The following GTPBP10 variants were observed in gnomAD, a reference collection of about 807,000 sequenced individuals.
The protein encoded by GTPBP10 is GTP binding protein 10.
Under a neutral mutation model 44.8 loss-of-function variants are expected in GTPBP10, and 38 were observed. The ratio of observed to expected loss-of-function variants is 0.85; its 90% CI spans 0.65 to 1.11. The LOEUF (loss-of-function observed/expected upper bound fraction) is 1.11, where lower values mean the gene tolerates loss of function less well. Among genes scored for constraint, GTPBP10 ranks in the 50% most tolerant of loss-of-function variants. The probability of loss-of-function intolerance (pLI) is 0.00; values close to 1 mark genes in which losing one functional copy is unlikely to be tolerated. For synonymous variants in GTPBP10, 152 were observed against 150.6 expected (o/e 1.01, Z -0.07); for missense variants, 462 against 453.7 (o/e 1.02, Z -0.17).
intron 6 of GTPBP10, among the ~76,000 whole-genome samples, chr7:90,374,840 A>G (rs1376927668): frequency 6.6e-6 from 1 of 152,204 alleles, no homozygotes; most frequent in East Asian, 1.9e-4. Context: ...AAGTAACAAT[A>G]TTTAAAATAT....
In GTPBP10 at chr7:90,377,571, A is replaced by G. The variant is rs766484222; in HGVS notation, c.656A>G (p.Lys219Arg). ...CATATGAACAAAGGAATGGGCCACA[A>G]ATTCCTCAAGCATATAGAAAGAACT... Reference protein sequence around the residue: ...GAHMNKGMGHKFLKHIERTRQ... With the variant: ...GAHMNKGMGHRFLKHIERTRQ... Residue 219 changes from lysine (K) to arginine (R), a missense_variant, in exon 7 of 10, where the codon AAA becomes AGA. Lys to Arg is a conservative substitution (Grantham distance 26). Coordinates refer to ENST00000222511, the MANE Select transcript of GTPBP10 (RefSeq NM_033107.4). 1 of 1,611,722 alleles carries G rather than the reference A, an allele frequency of 6.2e-7. No homozygotes were observed. The highest frequency in any genetic ancestry group is 8.5e-7 in the Non-Finnish European group (1 of 1,178,650).
intron 4 of GTPBP10, among the ~76,000 whole-genome samples, chr7:90,364,408 C>T (rs1158794886): frequency 6.6e-6 from 1 of 152,178 alleles, no homozygotes; most frequent in East Asian, 1.9e-4. Context: ...CCACTCCAGA[C>T]CGTTTGCCTG....
At chr7:90,354,029 G>A (rs565947624) in intron 2 of GTPBP10, among the ~76,000 whole-genome samples, 5 of 151,810 alleles carry the variant, frequency 3.3e-5, no homozygotes, top group African/African-American at 4.8e-5. Flanking sequence ...AAATGGGGTC[G>A]TGCTATGGTG....
chr7:90,372,184 T>A lies in GTPBP10; in HGVS notation c.494T>A (p.Leu165Gln), dbSNP rs751780508. Reference sequence around the variant, plus strand: ...CCAAATGCTGGAAAATCCTCTTTGCTAAGTTGTGTTTCTCATGCAAAACCT... The same window carrying A: ...CCAAATGCTGGAAAATCCTCTTTGCAAAGTTGTGTTTCTCATGCAAAACCT... ...GFPNAGKSSL[L>Q]SCVSHAKPAI... The change falls in exon 5 of 10, where the codon CTA becomes CAA. Residue 165 changes from leucine to glutamine, a missense_variant. Coordinates refer to ENST00000222511, the MANE Select transcript of GTPBP10 (RefSeq NM_033107.4). 4 of 1,607,560 alleles carry A rather than the reference T, an allele frequency of 2.5e-6. No individual in the cohort carries two copies. The highest frequency in any genetic ancestry group is 2.5e-6 in the Non-Finnish European group (3 of 1,176,524).
At chr7:90,352,383 A>G (rs1795806863) in intron 1 of GTPBP10, among the ~76,000 whole-genome samples, 1 of 152,218 alleles carries the variant, frequency 6.6e-6, no homozygotes, top group Non-Finnish European at 1.5e-5. Flanking sequence ...CATATTGGGG[A>G]ATTTCAAATA....
chr7:90,348,935 G>T (rs1795736325), intron 1 of GTPBP10, among the ~76,000 whole-genome samples: 1 of 152,124 alleles, frequency 6.6e-6, no homozygotes, highest in Non-Finnish European at 1.5e-5. Flanking sequence ...TCTGGCACTG[G>T]ATCTGAAGCA....
At chr7:90,372,421 C>A (rs1479705594) in intron 5 of GTPBP10, among the ~76,000 whole-genome samples, 193 bp downstream of exon 5, 1 of 140,902 alleles carries the variant, frequency 7.1e-6, no homozygotes, top group Non-Finnish European at 1.5e-5. Context: ...CTCAAGCCAT[C>A]CCCCTGCATC....
intron 5 of GTPBP10, among the ~76,000 whole-genome samples, chr7:90,373,751 T>C (rs1463144729): frequency 1.3e-5 from 2 of 152,228 alleles, no homozygotes; most frequent in East Asian, 3.8e-4. Flanking sequence ...ATCACTCACC[T>C]TAAAGTGCAA....
Position 90,364,178 on chromosome 7 carries a change from G to A in GTPBP10, c.465-7977G>A, listed in dbSNP as rs192699899. 2.1e-3 allele frequency among the ~76,000 whole-genome samples: 317 copies of A among 152,312 alleles called. 1 individual carries two copies. Among genetic ancestry groups the A allele is most frequent in the African/African-American group, 7.3e-3 (304 of 41,554 alleles). Reference sequence around the variant, plus strand: ...TCCAGCTTTGTTCCATTGCTGGGGAGGAGCTGCATTCCTTTGGAGGGGGAG... The same window carrying A: ...TCCAGCTTTGTTCCATTGCTGGGGAAGAGCTGCATTCCTTTGGAGGGGGAG... On this transcript the variant is annotated intron_variant, in intron 4 of 9. Transcript: ENST00000222511.
In GTPBP10 at chr7:90,346,907, C is replaced by T. The variant is rs373253766; in HGVS notation, c.33+133C>T. 222 of 949,166 alleles carry T rather than the reference C, an allele frequency of 2.3e-4. No homozygotes were observed. The African/African-American group carries it at 3.2e-3, about 14-fold the overall frequency. The allele number at this position is 949,166 out of a possible 1,614,324, so 58.8% of individuals were successfully genotyped here. A position where few individuals can be genotyped will look rare whatever the true frequency, so the allele number is the denominator to read the frequency against. ...GGTTTTCCCATAGACTTCTCCGCCC[C>T]TCCTGTAGTGGCGCTTTGTCAGTAA... On this transcript the variant is annotated intron_variant, in intron 1 of 9. Coordinates refer to ENST00000222511, the MANE Select transcript of GTPBP10 (RefSeq NM_033107.4).
At position 90,391,161 on chromosome 7, in the gene GTPBP10, T is replaced by A. The variant is rs1301896918; in HGVS notation, c.*6007T>A. 1 of 152,202 alleles carries A rather than the reference T, an allele frequency of 6.6e-6. No individual in the cohort carries two copies. Among genetic ancestry groups the A allele is most frequent in the East Asian group, 1.9e-4 (1 of 5,196 alleles). The allele number at this position is 152,202 out of a possible 1,614,324, so 9.4% of individuals were successfully genotyped here. ...ACAATAAAATGAGCACACATGACCT[T>A]CCTTTCCTATAAAAATATGAAGCAG... On this transcript the variant is annotated 3_prime_UTR_variant, in exon 10 of 10. Coordinates refer to ENST00000222511, the MANE Select transcript of GTPBP10 (RefSeq NM_033107.4).
At chr7:90,377,824 T>G (rs1796366745) in intron 7 of GTPBP10, 2 of 235,326 alleles carry the variant, frequency 8.5e-6, no homozygotes, top group Non-Finnish European at 1.4e-5. Flanking sequence ...ATTTCCAGCA[T>G]ACTACCATAT....
chr7:90,366,971 AT>A (rs1317478249), intron 4 of GTPBP10, among the ~76,000 whole-genome samples: 1 of 152,148 alleles, frequency 6.6e-6, no homozygotes, highest in Non-Finnish European at 1.5e-5. Context: ...TGTCCCAGAG[AT>A]TCTGATACAT....
chr7:90,348,446 A>G (rs42648), intron 1 of GTPBP10, among the ~76,000 whole-genome samples: 78,718 of 152,062 alleles, frequency 0.52, 21,367 homozygotes, highest in Middle Eastern at 0.62. Context: ...TATATACTGT[A>G]TTCTTAAATT....
At chr7:90,353,866 G>T (rs1448518987) in intron 2 of GTPBP10, among the ~76,000 whole-genome samples, 7 of 136,730 alleles carry the variant, frequency 5.1e-5, no homozygotes, top group African/African-American at 1.7e-4. Context: ...TCATTCTGTT[G>T]CCTAGGTTGA....
chr7:90,349,782 A>G (rs17865128), intron 1 of GTPBP10, among the ~76,000 whole-genome samples: 4,249 of 152,120 alleles, frequency 0.028, 210 homozygotes, highest in African/African-American at 0.096. Context: ...AGCATTAACA[A>G]CCTGATTTGG....
Position 90,355,117 on chromosome 7 carries a change from G to C in GTPBP10, c.351G>C (p.Leu117Phe). The change falls in exon 4 of 10, where the codon TTG (leucine) becomes TTC (phenylalanine). Residue 117 changes from leucine to phenylalanine, a missense_variant. Leu to Phe is a conservative substitution (Grantham distance 22). Coordinates refer to ENST00000222511, the MANE Select transcript of GTPBP10 (RefSeq NM_033107.4). ...GELNKENDRI[L>F]VAQGGLGGKL... ...TCAATAAAGAAAATGACAGAATTTT[G>C]GTAGCTCAAGGAGGTCTTGGTGGTA... The C allele has an allele frequency of 6.3e-7, 1 of 1,588,984 alleles. No homozygotes were observed. The highest frequency in any genetic ancestry group is 8.6e-7 in the Non-Finnish European group (1 of 1,162,834).
At chr7:90,355,448 T>C (rs1584629328) in intron 4 of GTPBP10, among the ~76,000 whole-genome samples, 1 of 152,100 alleles carries the variant, frequency 6.6e-6, no homozygotes, top group African/African-American at 2.4e-5. Context: ...ACCAGAGCAA[T>C]TGAATAGATC....
At chr7:90,368,861 G>A (rs1796191321) in intron 4 of GTPBP10, among the ~76,000 whole-genome samples, 1 of 152,192 alleles carries the variant, frequency 6.6e-6, no homozygotes, top group South Asian at 2.1e-4. Context: ...GTCCTTTGGA[G>A]GAGAATAGGC....
Sources: allele counts gnomAD v4.1 joint callset (sites outside exome capture counted in the v4.1 genomes callset), GRCh38; gene constraint gnomAD v4.1.1; transcripts MANE v1.5; gene names NCBI Gene and HGNC (gene_info 2026-07-23, HGNC 2026-07-21).